Variants in PIK3CG observed in about 807,000 individuals in gnomAD.
The protein encoded by PIK3CG is phosphatidylinositol 4,5-bisphosphate 3-kinase catalytic subunit gamma isoform.
PIK3CG carries 55 observed loss-of-function variants against 102.3 expected under a neutral mutation model. That is an observed-to-expected ratio of 0.54 (90% CI 0.43 to 0.67). The LOEUF (loss-of-function observed/expected upper bound fraction) is 0.67, where lower values mean the gene tolerates loss of function less well. Among genes scored for constraint, PIK3CG ranks in the 30% least tolerant of loss-of-function variants. PIK3CG has a pLI of 0.00. For missense variants in PIK3CG, 1,258 were observed against 1,391.8 expected, an observed-to-expected ratio of 0.90 and a Z score of 1.53; for synonymous variants, 552 against 540.0, an observed-to-expected ratio of 1.02 and a Z score of -0.31.
rs772274649 is a variant in PIK3CG at position 106,886,249 on chromosome 7, G to A, written c.2987G>A (p.Gly996Glu). ...VLTPDFLFVM[G>E]TSGKKTSPHF... ...ACCCCTGACTTCCTCTTTGTGATGG[G>A]AACTTCTGGAAAGAAGACAAGCCCA... Residue 996 changes from glycine to glutamate, a missense_variant, in exon 10 of 11, where the codon GGA becomes GAA. Around this residue, in one of 2 missense-constraint regions of PIK3CG, gnomAD observed 426 missense variants for 604.2 expected, o/e 0.71. Coordinates refer to ENST00000496166, the MANE Select transcript of PIK3CG (RefSeq NM_001282426.2). The A allele has an allele frequency of 1.2e-6, 2 of 1,614,098 alleles. No individual in the cohort carries two copies. Among genetic ancestry groups the A allele is most frequent in the Admixed American group, 1.7e-5 (1 of 60,016 alleles).
At chr7:106,881,045 C>G (rs1486476756) in intron 6 of PIK3CG, among the ~76,000 whole-genome samples, 1 of 152,142 alleles carries the variant, frequency 6.6e-6, no homozygotes, top group East Asian at 1.9e-4. Flanking sequence ...GCCCTTCACT[C>G]AACAAAAACA....
chr7:106,896,221 T>C, intron 10 of PIK3CG, among the ~76,000 whole-genome samples: 1 of 152,182 alleles, frequency 6.6e-6, no homozygotes, highest in Non-Finnish European at 1.5e-5. Flanking sequence ...GCATCACTGC[T>C]TAACAAGTAT....
In PIK3CG at chr7:106,884,130, T is replaced by C. The variant is rs1401448294; in HGVS notation, c.2761-25T>C. 6.7e-7 allele frequency: 1 copy of C among 1,483,700 alleles called. No homozygotes were observed. Among genetic ancestry groups the C allele is most frequent in the Non-Finnish European group, 9.4e-7 (1 of 1,062,964 alleles). The allele number at this position is 1,483,700 out of a possible 1,614,324, so 91.9% of individuals were successfully genotyped here. A position where few individuals can be genotyped will look rare whatever the true frequency, so the allele number is the denominator to read the frequency against. ...ATGCTTTTTGTAGTTAGAAGACAAC[T>C]AATATTCAAATGCATTTTAATTAGT... is the stretch of plus-strand genomic sequence containing the variant. On this transcript the variant is annotated intron_variant, in intron 8 of 10. Coordinates refer to ENST00000496166, the MANE Select transcript of PIK3CG (RefSeq NM_001282426.2). The surrounding 1 kb of genome is among the most constrained non-coding windows in gnomAD (Gnocchi z 4.2).
At position 106,869,508 on chromosome 7, in the gene PIK3CG, G is replaced by C. The variant is rs2116467313; in HGVS notation, c.1947G>C (p.Glu649Asp). ...GAGCCATTGCAGTTCAGAAACTGGA[G>C]AGCTTGGAGGACGATGATGTTCTGC... ...NVRAIAVQKLESLEDDDVLHY... is the reference protein window; with the variant it reads ...NVRAIAVQKLDSLEDDDVLHY... The change falls in exon 2 of 11, where the codon GAG becomes GAC. Residue 649 changes from glutamate to aspartate, a missense_variant. Transcript: ENST00000496166. The surrounding 1 kb of genome is among the most constrained non-coding windows in gnomAD (Gnocchi z 5.3). 1 of 1,614,020 alleles carries C rather than the reference G, an allele frequency of 6.2e-7. No homozygotes were observed. The highest frequency in any genetic ancestry group is 2.2e-5 in the East Asian group (1 of 44,882).
chr7:106,886,758 C>T (rs1233159516), intron 10 of PIK3CG, among the ~76,000 whole-genome samples: 1 of 152,182 alleles, frequency 6.6e-6, no homozygotes, highest in Non-Finnish European at 1.5e-5. Flanking sequence ...GGGCTTATCT[C>T]ATTTTTATAA....
In PIK3CG at chr7:106,877,158, A is replaced by G. The variant is rs1363143551; in HGVS notation, c.2391+2355A>G. Among the ~76,000 whole-genome samples, 1 of 152,242 alleles carries G rather than the reference A, an allele frequency of 6.6e-6. No homozygotes were observed. Among genetic ancestry groups the G allele is most frequent in the Non-Finnish European group, 1.5e-5 (1 of 68,038 alleles). On this transcript the variant is annotated intron_variant, in intron 5 of 10. Coordinates refer to ENST00000496166, the MANE Select transcript of PIK3CG (RefSeq NM_001282426.2). The surrounding 1 kb of genome is among the most constrained non-coding windows in gnomAD (Gnocchi z 4.5). The stretch of plus-strand genomic sequence containing the variant: ...TACTGCAGTGAGCTGTGTTTGTGCC[A>G]CTGCATTCCAACCTGGGCTACAGAG...
rs997741824 is a variant in PIK3CG, at chr7:106,891,668, T to C, written c.3030+5376T>C. Among the ~76,000 whole-genome samples, 1 of 152,156 alleles carries C rather than the reference T, an allele frequency of 6.6e-6. No homozygotes were observed. The highest frequency in any genetic ancestry group is 1.5e-5 in the Non-Finnish European group (1 of 68,036). ...CATCAGGGGAGCCAAATAACACATC[T>C]ACAGACAAATCTATGCAAAGCAGGT... is the stretch of plus-strand genomic sequence containing the variant. On this transcript the variant is annotated intron_variant, in intron 10 of 10. Coordinates refer to ENST00000496166, the MANE Select transcript of PIK3CG (RefSeq NM_001282426.2). This position sits in a 1 kb window ranked among gnomAD's most constrained non-coding sequence, Gnocchi z 4.4.
At chr7:106,865,959 AGACCAAAAT>A (rs1790266028) in intron 1 of PIK3CG, among the ~76,000 whole-genome samples, 1 of 152,270 alleles carries the variant, frequency 6.6e-6, no homozygotes, top group Non-Finnish European at 1.5e-5. Context: ...ATGTAGCAAA[AGACCAAAAT>A]GAATGTTTTA....
intron 10 of PIK3CG, among the ~76,000 whole-genome samples, chr7:106,889,519 G>A (rs984665321): frequency 6.6e-6 from 1 of 152,134 alleles, no homozygotes; most frequent in African/African-American, 2.4e-5. Flanking sequence ...AGGGAAGCTG[G>A]GAAATGTTGT....
rs1020926282 is a variant in PIK3CG at position 106,893,354 on chromosome 7, TC to T, written c.3030+7067del. On this transcript the variant is annotated intron_variant, in intron 10 of 10. Transcript: ENST00000496166. This position sits in a 1 kb window ranked among gnomAD's most constrained non-coding sequence, Gnocchi z 4.4. Reference sequence around the variant, plus strand: ...AGTTTGAATATGTTGGTGTGATATCTCCCCCATATGCAGACTTGTGCGGCTT... The same window carrying T: ...AGTTTGAATATGTTGGTGTGATATCTCCCCATATGCAGACTTGTGCGGCTT... Among the ~76,000 whole-genome samples the T allele has an allele frequency of 2.6e-5, 4 of 152,162 alleles. No individual in the cohort carries two copies. Among genetic ancestry groups the T allele is most frequent in the African/African-American group, 9.7e-5 (4 of 41,434 alleles).
chr7:106,867,481 C>G lies in PIK3CG; in HGVS notation c.-12-69C>G. On this transcript the variant is annotated intron_variant, in intron 1 of 10. Transcript: ENST00000496166. The surrounding 1 kb of genome is among the most constrained non-coding windows in gnomAD (Gnocchi z 5.1). ...ACGCCGCCTATACCTCCTCTTCCCT[C>G]ATCTCACCAGAAAATATAAGGGGAA... is the stretch of plus-strand genomic sequence containing the variant. 7.2e-7 allele frequency: 1 copy of G among 1,394,062 alleles called. No individual in the cohort carries two copies. Among genetic ancestry groups the G allele is most frequent in the Non-Finnish European group, 9.8e-7 (1 of 1,024,716 alleles). 86.4% of individuals were successfully genotyped at this position (1,394,062 alleles called of 1,614,324 possible).
intron 10 of PIK3CG, among the ~76,000 whole-genome samples, chr7:106,886,736 G>A (rs1663027065): frequency 1.3e-5 from 2 of 152,156 alleles, no homozygotes; most frequent in East Asian, 3.8e-4. Flanking sequence ...GTGAATTCTC[G>A]ATGTGCCAAC....
Position 106,867,914 on chromosome 7 carries a change from C to A in PIK3CG, c.353C>A (p.Thr118Asn), listed in dbSNP as rs1004588139. The A allele has an allele frequency of 1.9e-6, 3 of 1,613,176 alleles. No individual in the cohort carries two copies. Among genetic ancestry groups the A allele is most frequent in the Non-Finnish European group, 2.5e-6 (3 of 1,179,990 alleles). The change falls in exon 2 of 11, where the codon ACT becomes AAT. Residue 118 changes from threonine (T) to asparagine (N), a missense_variant. Around this residue, in one of 2 missense-constraint regions of PIK3CG, gnomAD observed 832 missense variants for 787.5 expected, o/e 1.06. Transcript: ENST00000496166. This position sits in a 1 kb window ranked among gnomAD's most constrained non-coding sequence, Gnocchi z 5.1. The stretch of plus-strand genomic sequence containing the variant: ...TACGACAAGTACCAGGTGGTGCAGA[C>A]TCTGGACTGCCTGCGCTACTGGAAG... ...EIYDKYQVVQ[T>N]LDCLRYWKAT... is the part of the protein sequence containing the mutation.
In PIK3CG at chr7:106,884,494, A is replaced by G. The variant is rs1369553747; in HGVS notation, c.2872+228A>G. Among the ~76,000 whole-genome samples the G allele has an allele frequency of 6.6e-6, 1 of 152,166 alleles. No homozygotes were observed. The highest frequency in any genetic ancestry group is 1.5e-5 in the Non-Finnish European group (1 of 68,036). On this transcript the variant is annotated intron_variant, in intron 9 of 10. Coordinates refer to ENST00000496166, the MANE Select transcript of PIK3CG (RefSeq NM_001282426.2). The surrounding 1 kb of genome is among the most constrained non-coding windows in gnomAD (Gnocchi z 4.2). Reference sequence around the variant, plus strand: ...CTCCCCATGCCTCCCTCCTTTCAGAACGGAGTAGTCTTTAAATGGAGTTTA... The same window carrying G: ...CTCCCCATGCCTCCCTCCTTTCAGAGCGGAGTAGTCTTTAAATGGAGTTTA...
intron 10 of PIK3CG, among the ~76,000 whole-genome samples, chr7:106,901,828 TG>T (rs1221646459): frequency 6.6e-6 from 1 of 152,120 alleles, no homozygotes; most frequent in Non-Finnish European, 1.5e-5. Flanking sequence ...GGTATGTTAG[TG>T]AGGTATTTTT....
chr7:106,884,003 C>T lies in PIK3CG; in HGVS notation c.2761-152C>T. 1.7e-6 allele frequency: 1 copy of T among 603,146 alleles called. No homozygotes were observed. The highest frequency in any genetic ancestry group is 2.9e-6 in the Non-Finnish European group (1 of 341,996). 37.4% of individuals were successfully genotyped at this position (603,146 alleles called of 1,614,324 possible). ...ATAAGCAGAGCAATGAGAAAGTTGG[C>T]AATTCATAGATATAATGCTAATGAA... On this transcript the variant is annotated intron_variant, in intron 8 of 10. Transcript: ENST00000496166. The surrounding 1 kb of genome is among the most constrained non-coding windows in gnomAD (Gnocchi z 4.2).
rs201525740 is a variant in PIK3CG, at chr7:106,868,561, G to T, written c.1000G>T (p.Gly334Cys). The change falls in exon 2 of 11, where the codon GGC becomes TGC. Residue 334 changes from glycine to cysteine, a missense_variant. Coordinates refer to ENST00000496166, the MANE Select transcript of PIK3CG (RefSeq NM_001282426.2). The surrounding 1 kb of genome is among the most constrained non-coding windows in gnomAD (Gnocchi z 6.2). ...PLVDDCTGVTGYHEQLTIHGK... is the reference protein window; with the variant it reads ...PLVDDCTGVTCYHEQLTIHGK... ...GGTGGATGACTGCACGGGAGTCACC[G>T]GCTACCATGAGCAGCTTACCATCCA... 2.5e-6 allele frequency: 4 copies of T among 1,614,082 alleles called. No homozygotes were observed. The highest frequency in any genetic ancestry group is 3.4e-6 in the Non-Finnish European group (4 of 1,180,000).
chr7:106,902,304 C>G lies in PIK3CG; in HGVS notation c.3031-2805C>G, dbSNP rs1332926131. Reference sequence around the variant, plus strand: ...TGCACGGGAGACACACTGGCCTCCTCTCCTTGGGTCAGCTGCAGCTTGCTG... The same window carrying G: ...TGCACGGGAGACACACTGGCCTCCTGTCCTTGGGTCAGCTGCAGCTTGCTG... On this transcript the variant is annotated intron_variant, in intron 10 of 10. Coordinates refer to ENST00000496166, the MANE Select transcript of PIK3CG (RefSeq NM_001282426.2). This position sits in a 1 kb window ranked among gnomAD's most constrained non-coding sequence, Gnocchi z 4.3. 6.6e-6 allele frequency among the ~76,000 whole-genome samples: 1 copy of G among 152,166 alleles called. No homozygotes were observed. Among genetic ancestry groups the G allele is most frequent in the African/African-American group, 2.4e-5 (1 of 41,442 alleles).
Position 106,867,750 on chromosome 7 carries a change from C to G in PIK3CG, c.189C>G (p.Gly63=), listed in dbSNP as rs190641844. 2 of 1,612,892 alleles carry G rather than the reference C, an allele frequency of 1.2e-6. No individual in the cohort carries two copies. Among genetic ancestry groups the G allele is most frequent in the Non-Finnish European group, 1.7e-6 (2 of 1,179,860 alleles). Residue 63 remains glycine, a synonymous_variant, in exon 2 of 11, where the codon GGC becomes GGG. Transcript: ENST00000496166. The surrounding 1 kb of genome is among the most constrained non-coding windows in gnomAD (Gnocchi z 5.1). ...AAACGGCGCTGCTGCACGTGGCCGG[C>G]CACGGCAACGTGGAGCAGATGAAGG... is the stretch of plus-strand genomic sequence containing the variant. ...SPETALLHVA[G]HGNVEQMKAQ... is the part of the protein sequence containing the mutation.
Sources: allele counts gnomAD v4.1 joint callset (sites outside exome capture counted in the v4.1 genomes callset), GRCh38; gene constraint gnomAD v4.1.1; regional missense constraint gnomAD v4.1.1; non-coding constraint Gnocchi (gnomAD v3.1); transcripts MANE v1.5; gene names NCBI Gene and HGNC (gene_info 2026-07-23, HGNC 2026-07-21).